SMG7: variants seen among roughly 807,000 people sequenced by gnomAD.
SMG7 encodes the protein SMG7 nonsense mediated mRNA decay factor.
SMG7 carries 34 observed loss-of-function variants against 148.2 expected under a neutral mutation model. That is an observed-to-expected ratio of 0.23 (90% CI 0.17 to 0.31). SMG7 has a LOEUF of 0.31. SMG7 is among the 10% of genes least tolerant of loss of function. The pLI is 1.00. For synonymous variants in SMG7, 492 were observed against 515.1 expected, an observed-to-expected ratio of 0.96 and a Z score of 0.61; for missense variants, 1,114 against 1,408.4, an observed-to-expected ratio of 0.79 and a Z score of 3.35.
At position 183,553,162 on chromosome 1, in the gene SMG7, AC is replaced by A. The variant is rs1347567648; in HGVS notation, c.*1232del. 1 of 1,536,376 alleles carries A rather than the reference AC, an allele frequency of 6.5e-7. No homozygotes were observed. The highest frequency in any genetic ancestry group is 1.4e-5 in the African/African-American group (1 of 73,060). On this transcript the variant is annotated 3_prime_UTR_variant, in exon 23 of 23. Transcript: ENST00000688051. ...CCCATCAGGCACAGAAGAAAACACG[AC>A]GTCGTCCATTTTGGAAGAGACGAAA...
intron 3 of SMG7, 142 bp downstream of exon 3, chr1:183,516,133 AT>A (rs755556063): frequency 3.5e-5 from 22 of 627,238 alleles, no homozygotes; most frequent in African/African-American, 5.5e-5. Context: ...TATTTGTGAT[AT>A]TTGGCCATTG....
At chr1:183,545,363 C>T (rs754470294) in intron 16 of SMG7, 51 bp downstream of exon 16, 28 of 1,553,606 alleles carry the variant, frequency 1.8e-5, no homozygotes, top group Non-Finnish European at 2.4e-5. Flanking sequence ...AGGGGAAATG[C>T]TGAAAGATTC....
intron 4 of SMG7, among the ~76,000 whole-genome samples, chr1:183,521,471 A>C (rs1664753664): frequency 6.6e-6 from 1 of 152,230 alleles, no homozygotes; most frequent in African/African-American, 2.4e-5. Flanking sequence ...ATAGTGTTCC[A>C]CAAATCTTTC....
Position 183,529,389 on chromosome 1 carries a change from T to C in SMG7, c.708-9T>C. ...TTATGATTCATGGAATTTTTTTCTT[T>C]CATTTCAGCCGAGATGAGGTGAAAA... On this transcript the variant is annotated splice_polypyrimidine_tract_variant and intron_variant, in intron 7 of 22. Coordinates refer to ENST00000688051, the MANE Select transcript of SMG7 (RefSeq NM_001375584.1). 2 of 1,604,446 alleles carry C rather than the reference T, an allele frequency of 1.2e-6. No homozygotes were observed. The highest frequency in any genetic ancestry group is 1.7e-6 in the Non-Finnish European group (2 of 1,177,260).
rs749630916 is a variant in SMG7, at chr1:183,553,249, T to A, written c.*1318T>A. Reference sequence around the variant, plus strand: ...GGAGGAAAGAGGACTGAAAATGTTCTTGTGTAGAAACAGAAGGACAGCATT... The same window carrying A: ...GGAGGAAAGAGGACTGAAAATGTTCATGTGTAGAAACAGAAGGACAGCATT... On this transcript the variant is annotated 3_prime_UTR_variant, in exon 23 of 23. Coordinates refer to ENST00000688051, the MANE Select transcript of SMG7 (RefSeq NM_001375584.1). 1.2e-4 allele frequency: 172 copies of A among 1,485,638 alleles called. 1 individual carries two copies. The highest frequency in any genetic ancestry group is 4.1e-5 in the Non-Finnish European group (46 of 1,110,316). 92.0% of individuals were successfully genotyped at this position (1,485,638 alleles called of 1,614,324 possible). A position where few individuals can be genotyped will look rare whatever the true frequency, so the allele number is the denominator to read the frequency against.
At chr1:183,510,567 T>G (rs1372616750) in intron 1 of SMG7, among the ~76,000 whole-genome samples, 3 of 152,156 alleles carry the variant, frequency 2.0e-5, no homozygotes, top group Non-Finnish European at 4.4e-5. Flanking sequence ...TATGGTTACC[T>G]CCTTAGCACT....
In SMG7 at chr1:183,552,667, A is replaced by G; in HGVS notation, c.*736A>G. The G allele has an allele frequency of 2.6e-6, 3 of 1,142,460 alleles. No individual in the cohort carries two copies. The highest frequency in any genetic ancestry group is 2.2e-6 in the Non-Finnish European group (2 of 924,948). The allele number at this position is 1,142,460 out of a possible 1,614,324, so 70.8% of individuals were successfully genotyped here. A position where few individuals can be genotyped will look rare whatever the true frequency, so the allele number is the denominator to read the frequency against. On this transcript the variant is annotated 3_prime_UTR_variant, in exon 23 of 23. Coordinates refer to ENST00000688051, the MANE Select transcript of SMG7 (RefSeq NM_001375584.1). ...AGGTGCTCGAGCCCCAATCGAGGAT[A>G]CAGTGTGGGTGGTGGTGCTGGGCTG...
intron 12 of SMG7, 68 bp from the exon 13 acceptor site, chr1:183,540,916 G>A: frequency 2.6e-6 from 4 of 1,516,382 alleles, no homozygotes; most frequent in Non-Finnish European, 3.6e-6. Context: ...TTAATCAGGT[G>A]AACTTGGTTG....
intron 1 of SMG7, among the ~76,000 whole-genome samples, chr1:183,480,207 AATT>A (rs1653719923): frequency 6.6e-6 from 1 of 152,028 alleles, no homozygotes; most frequent in Non-Finnish European, 1.5e-5. Context: ...TCTTCTTTTA[AATT>A]ATTCCCTTTA....
At chr1:183,474,954 GACA>G (rs1651777761) in intron 1 of SMG7, among the ~76,000 whole-genome samples, 1 of 152,224 alleles carries the variant, frequency 6.6e-6, no homozygotes, top group African/African-American at 2.4e-5. Flanking sequence ...AGTCCAGTTA[GACA>G]ACAAGGTAGT....
intron 1 of SMG7, among the ~76,000 whole-genome samples, chr1:183,486,788 C>G (rs955848374): frequency 9.2e-5 from 14 of 152,022 alleles, no homozygotes; most frequent in African/African-American, 3.1e-4. Flanking sequence ...ACCTCTACCT[C>G]CCAGGCTCAA....
At chr1:183,545,386 G>A (rs2102772502) in intron 16 of SMG7, 74 bp downstream of exon 16, 1 of 1,501,162 alleles carries the variant, frequency 6.7e-7, no homozygotes, top group South Asian at 1.2e-5. Context: ...TGTTAGAAAT[G>A]CTCATTAAAC....
chr1:183,513,120 C>T, intron 2 of SMG7: 1 of 385,312 alleles, frequency 2.6e-6, no homozygotes, highest in East Asian at 4.1e-5. Context: ...TTTATATAAT[C>T]ACTTAATTTT....
chr1:183,518,574 A>C (rs1427451074), intron 4 of SMG7: 1 of 152,242 alleles, frequency 6.6e-6, no homozygotes, highest in African/African-American at 2.4e-5. Context: ...TATTAAACTA[A>C]GAAGTAGAGT....
chr1:183,473,336 A>T (rs1451508512), intron 1 of SMG7, among the ~76,000 whole-genome samples: 1 of 152,008 alleles, frequency 6.6e-6, no homozygotes, highest in African/African-American at 2.4e-5. Flanking sequence ...GTCGGAAGAT[A>T]CCATTCTGAG....
intron 1 of SMG7, among the ~76,000 whole-genome samples, chr1:183,506,610 A>G (rs1015302613): frequency 1.3e-4 from 20 of 151,774 alleles, no homozygotes; most frequent in African/African-American, 4.6e-4. Context: ...GAACTCTATG[A>G]AACAAGTGAA....
At position 183,484,544 on chromosome 1, in the gene SMG7, A is replaced by G. The variant is rs116448698; in HGVS notation, c.29+11895A>G. Among the ~76,000 whole-genome samples, 311 of 152,164 alleles carry G rather than the reference A, an allele frequency of 2.0e-3. 2 individuals are homozygous for G. Among genetic ancestry groups the G allele is most frequent in the South Asian group, 6.0e-3 (29 of 4,824 alleles). Reference sequence around the variant, plus strand: ...TTTTGGCAGCTGATTTGAAGCTACAAGTGATGGCAGTTCTCAAGAATGTGT... The same window carrying G: ...TTTTGGCAGCTGATTTGAAGCTACAGGTGATGGCAGTTCTCAAGAATGTGT... On this transcript the variant is annotated intron_variant, in intron 1 of 22. Transcript: ENST00000688051.
At chr1:183,493,700 A>G (rs1657647072) in intron 1 of SMG7, among the ~76,000 whole-genome samples, 1 of 151,836 alleles carries the variant, frequency 6.6e-6, no homozygotes, top group Non-Finnish European at 1.5e-5. Context: ...TTGTGCCTTA[A>G]CCTCCCAAGT....
chr1:183,514,029 CA>C (rs1035651769), intron 2 of SMG7, among the ~76,000 whole-genome samples: 2,969 of 41,328 alleles, frequency 0.072, 30 homozygotes, highest in African/African-American at 0.11. Flanking sequence ...GACTCCGTCT[CA>C]AAAAAAAAAA....
Sources: gnomAD v4.1 joint callset for allele counts (sites outside exome capture counted in the v4.1 genomes callset) on GRCh38, gnomAD v4.1.1 for gene constraint, MANE v1.5 for transcripts, NCBI Gene and HGNC (gene_info 2026-07-23, HGNC 2026-07-21) for gene names.